KEL: variants seen among roughly 807,000 people sequenced by gnomAD.
KEL encodes Kell metallo-endopeptidase (Kell blood group), also known as kell blood group glycoprotein.
A neutral mutation model predicts 99.5 loss-of-function variants in KEL; 96 were observed. The observed-to-expected ratio is 0.97, with a 90% CI of 0.82 to 1.14. The LOEUF is 1.14. Ranked by LOEUF, KEL falls within the 50% of genes most tolerant of loss-of-function variation. KEL has a pLI of 0.00. For missense variants in KEL, 926 were observed against 924.2 expected, an observed-to-expected ratio of 1.00 and a Z score of -0.03; for synonymous variants, 355 against 354.8, an observed-to-expected ratio of 1.00 and a Z score of -0.01.
intron 6 of KEL, among the ~76,000 whole-genome samples, chr7:142,954,768 A>G (rs1796787193): frequency 6.6e-6 from 1 of 152,198 alleles, no homozygotes; most frequent in South Asian, 2.1e-4. Flanking sequence ...TGTGCCCAGC[A>G]AGGCAGAAGC....
At position 142,961,090 on chromosome 7, in the gene KEL, A is replaced by T. The variant is rs765582648; in HGVS notation, c.238T>A (p.Ser80Thr). 1 of 1,613,940 alleles carries T rather than the reference A, an allele frequency of 6.2e-7. No individual in the cohort carries two copies. Residue 80 changes from serine (S) to threonine (T), a missense_variant, in exon 4 of 19, where the codon TCT (serine) becomes ACT (threonine). By Grantham distance (58) the Ser-to-Thr change is moderately conservative. Transcript: ENST00000355265. ...TGATCCCGGAGATCCAAACACACAGATGTCTCACAGGGGCCTGTGGGGAAA... is the reference window on the plus strand; with the variant it reads ...TGATCCCGGAGATCCAAACACACAGTTGTCTCACAGGGGCCTGTGGGGAAA... ...QNCGPRPCET[S>T]VCLDLRDHYL...
chr7:142,942,949 T>C lies in KEL; in HGVS notation c.1867A>G (p.Arg623Gly). The change falls in exon 17 of 19, where the codon AGA becomes GGA. Residue 623 changes from arginine (R) to glycine (G), a missense_variant. Arg to Gly is a moderately radical substitution (Grantham distance 125, BLOSUM62 -2). Transcript: ENST00000355265. ...RHYAAFPLPSRTSFNDSLTFL... is the reference protein window; with the variant it reads ...RHYAAFPLPSGTSFNDSLTFL... ...GTGAGGGAGTCATTGAAGGAGGTTC[T>C]GCTAGGTAATGGAAAGGCAGCATAA... 6.2e-7 allele frequency: 1 copy of C among 1,614,206 alleles called. No individual in the cohort carries two copies. Among genetic ancestry groups the C allele is most frequent in the Non-Finnish European group, 8.5e-7 (1 of 1,180,030 alleles).
At chr7:142,949,267 A>G (rs1796614258) in intron 10 of KEL, among the ~76,000 whole-genome samples, 1 of 152,234 alleles carries the variant, frequency 6.6e-6, no homozygotes, top group Admixed American at 6.5e-5. Flanking sequence ...GCCAGGCTTG[A>G]AAAACACAGA....
chr7:142,944,884 C>T (rs991106718), intron 11 of KEL, 143 bp from the exon 12 acceptor site: 4 of 700,642 alleles, frequency 5.7e-6, no homozygotes, highest in African/African-American at 1.8e-5. Flanking sequence ...AGCAGCTCAA[C>T]TAAAGCAACT....
intron 6 of KEL, among the ~76,000 whole-genome samples, chr7:142,954,850 C>G (rs895843393): frequency 6.6e-6 from 1 of 152,080 alleles, no homozygotes; most frequent in Non-Finnish European, 1.5e-5. Context: ...AGGTGAGGAA[C>G]CTGTCCCAGG....
At chr7:142,958,212 C>T (rs1043948135) in intron 5 of KEL, 92 bp downstream of exon 5, 3 of 1,588,150 alleles carry the variant, frequency 1.9e-6, no homozygotes, top group Non-Finnish European at 8.6e-7. Flanking sequence ...AGGAAGAAGA[C>T]CCACCCTCTA....
chr7:142,958,518 C>G, intron 4 of KEL, 90 bp from the exon 5 acceptor site: 1 of 1,244,072 alleles, frequency 8.0e-7, no homozygotes. Flanking sequence ...GAGTCATGCC[C>G]TATATCATAA....
chr7:142,942,484 G>A lies in KEL; in HGVS notation c.1987C>T (p.Pro663Ser), dbSNP rs1361485252. 5 of 1,610,202 alleles carry A rather than the reference G, an allele frequency of 3.1e-6. No individual in the cohort carries two copies. Among genetic ancestry groups the A allele is most frequent in the Non-Finnish European group, 4.2e-6 (5 of 1,178,378 alleles). Residue 663 changes from proline (P) to serine (S), a missense_variant, in exon 18 of 19, where the codon CCC (proline) becomes TCC (serine). By Grantham distance (74) the Pro-to-Ser change is moderately conservative. Coordinates refer to ENST00000355265, the MANE Select transcript of KEL (RefSeq NM_000420.3). ...LLRHHGETVL[P>S]SLDLSPQQIF... ...TGCTGGGGGCTGAGGTCCAGGCTGG[G>A]CAGGACAGTCTCCCCATGGTGCCGT...
chr7:142,952,448 C>T (rs1257523654), intron 10 of KEL, 61 bp downstream of exon 10: 1 of 1,602,066 alleles, frequency 6.2e-7, no homozygotes, highest in African/African-American at 1.3e-5. Flanking sequence ...GACATTTACC[C>T]CTCAAAAGAG....
intron 17 of KEL, 50 bp from the exon 18 acceptor site, chr7:142,942,579 A>G: frequency 7.3e-7 from 1 of 1,373,282 alleles, no homozygotes; most frequent in Non-Finnish European, 1.0e-6. Context: ...ACCTGTGGCC[A>G]TTTGAAAGTC....
rs150129204 is a variant in KEL, at chr7:142,957,470, C to G, written c.672+357G>C. ...ACAAGCATTTAAATACAGACAGTAG[C>G]ATAGTTAGTTAGCCCTTGGTTTAGA... On this transcript the variant is annotated intron_variant, in intron 6 of 18. Coordinates refer to ENST00000355265, the MANE Select transcript of KEL (RefSeq NM_000420.3). 2.8e-4 allele frequency among the ~76,000 whole-genome samples: 43 copies of G among 152,266 alleles called. 1 individual carries two copies. The East Asian group carries it at 8.1e-3, about 29-fold the overall frequency.
In KEL at chr7:142,942,501, T is replaced by A; in HGVS notation, c.1970A>T (p.His657Leu). Residue 657 changes from histidine (H) to leucine (L), a missense_variant, in exon 18 of 19, where the codon CAT (histidine) becomes CTT (leucine). Physicochemically the swap from His to Leu is moderately conservative, Grantham distance 99. Coordinates refer to ENST00000355265, the MANE Select transcript of KEL (RefSeq NM_000420.3). Reference sequence around the variant, plus strand: ...CAGGCTGGGCAGGACAGTCTCCCCATGGTGCCGTAACAGCCTCTTGCTGTA... The same window carrying A: ...CAGGCTGGGCAGGACAGTCTCCCCAAGGTGCCGTAACAGCCTCTTGCTGTA... Reference protein sequence around the residue: ...QAYSKRLLRHHGETVLPSLDL... With the variant: ...QAYSKRLLRHLGETVLPSLDL... 6.2e-7 allele frequency: 1 copy of A among 1,610,150 alleles called. No homozygotes were observed. The highest frequency in any genetic ancestry group is 8.5e-7 in the Non-Finnish European group (1 of 1,178,322).
At chr7:142,941,459 A>G in intron 18 of KEL, 46 bp from the exon 19 acceptor site, 1 of 1,526,960 alleles carries the variant, frequency 6.5e-7, no homozygotes, top group South Asian at 1.3e-5. Flanking sequence ...CCACAGGACA[A>G]AGCTGACCCG....
intron 6 of KEL, among the ~76,000 whole-genome samples, chr7:142,957,600 A>G (rs1796856806): frequency 6.6e-6 from 1 of 152,192 alleles, no homozygotes; most frequent in Admixed American, 6.5e-5. Flanking sequence ...AACAGTAAGA[A>G]AGACCAGGCC....
intron 18 of KEL, 103 bp downstream of exon 18, chr7:142,942,331 G>T: frequency 1.3e-6 from 1 of 772,778 alleles, no homozygotes; most frequent in Admixed American, 2.0e-5. Flanking sequence ...AGAGGGTTTG[G>T]GGTATTTGAC....
chr7:142,954,814 T>C lies in KEL; in HGVS notation c.673-287A>G, dbSNP rs555098468. Among the ~76,000 whole-genome samples the C allele has an allele frequency of 3.3e-5, 5 of 152,242 alleles. No individual in the cohort carries two copies. The East Asian group carries it at 5.8e-4, about 18-fold the overall frequency. ...GCATCTTAAAAGGAGCTATTCCTTGTCTCAGGAACAGGGCCAGGGTGAGTG... is the reference window on the plus strand; with the variant it reads ...GCATCTTAAAAGGAGCTATTCCTTGCCTCAGGAACAGGGCCAGGGTGAGTG... On this transcript the variant is annotated intron_variant, in intron 6 of 18. Coordinates refer to ENST00000355265, the MANE Select transcript of KEL (RefSeq NM_000420.3).
chr7:142,957,082 G>A (rs903143522), intron 6 of KEL, among the ~76,000 whole-genome samples: 1 of 152,230 alleles, frequency 6.6e-6, no homozygotes, highest in African/African-American at 2.4e-5. Flanking sequence ...TCAACACAGA[G>A]TGATAAATGC....
At position 142,946,188 on chromosome 7, in the gene KEL, G is replaced by T. The variant is rs192481106; in HGVS notation, c.1314+19C>A. ...AGGAAGGGGTGGAGGGATGTGGGCTGGGAAGAGCTCTCACATACAGCACTT... is the reference window on the plus strand; with the variant it reads ...AGGAAGGGGTGGAGGGATGTGGGCTTGGAAGAGCTCTCACATACAGCACTT... On this transcript the variant is annotated intron_variant, in intron 11 of 18. Coordinates refer to ENST00000355265, the MANE Select transcript of KEL (RefSeq NM_000420.3). The T allele has an allele frequency of 2.5e-4, 389 of 1,554,188 alleles. 1 individual carries two copies. In the African/African-American group the frequency reaches 3.0e-3, roughly 12 times the overall value.
At chr7:142,950,108 T>C (rs1191943708) in intron 10 of KEL, among the ~76,000 whole-genome samples, 1 of 152,220 alleles carries the variant, frequency 6.6e-6, no homozygotes, top group Non-Finnish European at 1.5e-5. Context: ...CTAGGTGATG[T>C]CTTTGATTCC....
Sources: allele counts gnomAD v4.1 joint callset (sites outside exome capture counted in the v4.1 genomes callset), GRCh38; gene constraint gnomAD v4.1.1; transcripts MANE v1.5; gene names NCBI Gene and HGNC (gene_info 2026-07-23, HGNC 2026-07-21).